SH2B3: variants seen among roughly 807,000 people sequenced by gnomAD.
The protein encoded by SH2B3 is SH2B adapter protein 3.
SH2B3 carries 43 observed loss-of-function variants against 51.9 expected under a neutral mutation model. That is an observed-to-expected ratio of 0.83 (90% CI 0.65 to 1.07). SH2B3 has a LOEUF of 1.07. Among genes scored for constraint, SH2B3 ranks in the 50% least tolerant of loss-of-function variants. The probability of loss-of-function intolerance (pLI) is 0.00; values close to 1 mark genes in which losing one functional copy is unlikely to be tolerated. For synonymous variants in SH2B3, 396 were observed against 376.0 expected (o/e 1.05, Z -0.62); for missense variants, 952 against 834.3 (o/e 1.14, Z -1.74).
chr12:111,418,394 G>GGCGCC lies in SH2B3; in HGVS notation c.251_255dup (p.Gly86ArgfsTer113), dbSNP rs952686752. On this transcript the variant is annotated frameshift_variant, in exon 2 of 8. Transcript: ENST00000341259. LOFTEE classifies it high-confidence loss of function. This position sits in a 1 kb window ranked among gnomAD's most constrained non-coding sequence, Gnocchi z 6.7. ...TCTGCCGCGAGGTGCGCGACGGACG[G>GGCGCC]GCGCCGGGCCGCGACTACCGGGACA... 2 of 1,498,414 alleles carry GGCGCC rather than the reference G, an allele frequency of 1.3e-6. No individual in the cohort carries two copies. The highest frequency in any genetic ancestry group is 1.8e-6 in the Non-Finnish European group (2 of 1,130,158). The allele number at this position is 1,498,414 out of a possible 1,614,324, so 92.8% of individuals were successfully genotyped here.
rs754838420 is a variant in SH2B3, at chr12:111,418,377, G to A, written c.232G>A (p.Glu78Lys). The change falls in exon 2 of 8, where the codon GAG becomes AAG. Residue 78 changes from glutamate (E) to lysine (K), a missense_variant. Glu to Lys is a moderately conservative substitution (Grantham distance 56). Transcript: ENST00000341259. The surrounding 1 kb of genome is among the most constrained non-coding windows in gnomAD (Gnocchi z 6.7). ...CCTCTTCCAGCGCTACTTCTGCCGCGAGGTGCGCGACGGACGGGCGCCGGG... is the reference window on the plus strand; with the variant it reads ...CCTCTTCCAGCGCTACTTCTGCCGCAAGGTGCGCGACGGACGGGCGCCGGG... ...TDLFQRYFCR[E>K]VRDGRAPGRD... The A allele has an allele frequency of 1.1e-3, 1,663 of 1,516,032 alleles. 1 individual carries two copies. The highest frequency in any genetic ancestry group is 1.2e-3 in the Non-Finnish European group (1,327 of 1,137,946). The allele number at this position is 1,516,032 out of a possible 1,614,324, so 93.9% of individuals were successfully genotyped here. A position where few individuals can be genotyped will look rare whatever the true frequency, so the allele number is the denominator to read the frequency against.
chr12:111,413,768 G>C (rs2135539106), intron 1 of SH2B3, among the ~76,000 whole-genome samples: 1 of 152,386 alleles, frequency 6.6e-6, no homozygotes, highest in South Asian at 2.1e-4. Flanking sequence ...CTGTATGCTA[G>C]GAGCTGGAGA....
intron 1 of SH2B3, among the ~76,000 whole-genome samples, chr12:111,412,221 C>T (rs765525622): frequency 5.9e-5 from 9 of 152,200 alleles, no homozygotes; most frequent in Non-Finnish European, 1.3e-4. Context: ...ACTCAATAAA[C>T]GCCACTGCCT....
chr12:111,447,576 G>T, intron 6 of SH2B3, 32 bp downstream of exon 6: 1 of 1,600,624 alleles, frequency 6.2e-7, no homozygotes. Flanking sequence ...GGTGGGGCAG[G>T]CAGGACCGTG....
rs1005603544 is a variant in SH2B3, at chr12:111,435,290, T to C, written c.733-11463T>C. ...CTGGCCCCACTGGTGTGTGCTACAGTAGACCCAGCCCTGGGGCCCCATGAT... is the reference window on the plus strand; with the variant it reads ...CTGGCCCCACTGGTGTGTGCTACAGCAGACCCAGCCCTGGGGCCCCATGAT... On this transcript the variant is annotated intron_variant, in intron 2 of 7. Coordinates refer to ENST00000341259, the MANE Select transcript of SH2B3 (RefSeq NM_005475.3). The surrounding 1 kb of genome is among the most constrained non-coding windows in gnomAD (Gnocchi z 4.8). 6.6e-6 allele frequency among the ~76,000 whole-genome samples: 1 copy of C among 152,146 alleles called. No individual in the cohort carries two copies. The highest frequency in any genetic ancestry group is 6.5e-5 in the Admixed American group (1 of 15,282).
At chr12:111,419,015 A>AT in intron 2 of SH2B3, 138 bp downstream of exon 2, 1 of 840,390 alleles carries the variant, frequency 1.2e-6, no homozygotes, top group East Asian at 3.5e-5. Flanking sequence ...GGCCCTCTTA[A>AT]AAAAGAACTT....
rs550860498 is a variant in SH2B3, at chr12:111,421,401, C to CTT, written c.732+2549_732+2550dup. ...GATCGTACATGTCAATAGTGTCTTC[C>CTT]TTTTTTTTTTTTTTTTTTTTTTTTT... On this transcript the variant is annotated intron_variant, in intron 2 of 7. Coordinates refer to ENST00000341259, the MANE Select transcript of SH2B3 (RefSeq NM_005475.3). Among the ~76,000 whole-genome samples the CTT allele has an allele frequency of 9.8e-4, 89 of 90,638 alleles. 3 individuals carry two copies. Among genetic ancestry groups the CTT allele is most frequent in the African/African-American group, 2.3e-3 (43 of 18,774 alleles). 59.5% of individuals were successfully genotyped at this position (90,638 alleles called of 152,430 possible).
At chr12:111,430,152 G>T (rs1168842684) in intron 2 of SH2B3, among the ~76,000 whole-genome samples, 1 of 152,248 alleles carries the variant, frequency 6.6e-6, no homozygotes, top group East Asian at 1.9e-4. Flanking sequence ...GAGCTATGAA[G>T]TGGGTGCCTG....
rs778662566 is a variant in SH2B3 at position 111,418,101 on chromosome 12, C to A, written c.-27-18C>A. ...ACCTGCTTACTCCTTGTCGCCCCCC[C>A]ACCCACGTGTCTTTCAGCCCGGCCG... On this transcript the variant is annotated intron_variant, in intron 1 of 7. Transcript: ENST00000341259. This position sits in a 1 kb window ranked among gnomAD's most constrained non-coding sequence, Gnocchi z 6.7. 7.6e-5 allele frequency: 112 copies of A among 1,470,970 alleles called. No individual in the cohort carries two copies. The highest frequency in any genetic ancestry group is 5.1e-4 in the Middle Eastern group (2 of 3,952). The allele number at this position is 1,470,970 out of a possible 1,614,324, so 91.1% of individuals were successfully genotyped here. A position where few individuals can be genotyped will look rare whatever the true frequency, so the allele number is the denominator to read the frequency against.
In SH2B3 at chr12:111,450,711, C is replaced by G. The variant is rs1019037880; in HGVS notation, c.*2409C>G. 6.5e-6 allele frequency: 1 copy of G among 153,024 alleles called. No individual in the cohort carries two copies. Among genetic ancestry groups the G allele is most frequent in the Admixed American group, 6.5e-5 (1 of 15,292 alleles). The allele number at this position is 153,024 out of a possible 1,614,324, so 9.5% of individuals were successfully genotyped here. On this transcript the variant is annotated 3_prime_UTR_variant, in exon 8 of 8. Transcript: ENST00000341259. ...AGGCACCCACCTCCAGACTGCTTCC[C>G]GTCCAAGTTACCAGGACAGCTCAAA...
Position 111,409,794 on chromosome 12 carries a change from C to T in SH2B3, c.-28+3517C>T, listed in dbSNP as rs1397807818. Among the ~76,000 whole-genome samples, 1 of 152,188 alleles carries T rather than the reference C, an allele frequency of 6.6e-6. No individual in the cohort carries two copies. Among genetic ancestry groups the T allele is most frequent in the African/African-American group, 2.4e-5 (1 of 41,442 alleles). On this transcript the variant is annotated intron_variant, in intron 1 of 7. Transcript: ENST00000341259. The surrounding 1 kb of genome is among the most constrained non-coding windows in gnomAD (Gnocchi z 4.0). ...TGCTGCCGGGGTGACAAGCATCCCT[C>T]TACCAGGGCTCCAGGGTTCTGCTGG...
chr12:111,425,819 C>T (rs1420575184), intron 2 of SH2B3, among the ~76,000 whole-genome samples: 1 of 152,094 alleles, frequency 6.6e-6, no homozygotes, highest in Non-Finnish European at 1.5e-5. Context: ...CACCGCTGAG[C>T]CCCAGGCAGG....
In SH2B3 at chr12:111,429,318, G is replaced by T. The variant is rs560365933; in HGVS notation, c.732+10441G>T. On this transcript the variant is annotated intron_variant, in intron 2 of 7. Transcript: ENST00000341259. This position sits in a 1 kb window ranked among gnomAD's most constrained non-coding sequence, Gnocchi z 4.4. The stretch of plus-strand genomic sequence containing the variant: ...CTTTGCTGCTGCAGGCATCACTGGC[G>T]TTGTCATTTTTATTTATTATTTATT... 6.6e-6 allele frequency among the ~76,000 whole-genome samples: 1 copy of T among 152,154 alleles called. No individual in the cohort carries two copies.
At chr12:111,428,431 A>C (rs1467301680) in intron 2 of SH2B3, among the ~76,000 whole-genome samples, 2 of 152,198 alleles carry the variant, frequency 1.3e-5, no homozygotes, top group Non-Finnish European at 2.9e-5. Flanking sequence ...CTTTCGAGCC[A>C]GGTGTCCCTG....
Position 111,418,501 on chromosome 12 carries a change from G to T in SH2B3, c.356G>T (p.Arg119Leu), listed in dbSNP as rs777034332. The T allele has an allele frequency of 1.6e-5, 22 of 1,379,804 alleles. No homozygotes were observed. Among genetic ancestry groups the T allele is most frequent in the Non-Finnish European group, 1.8e-5 (19 of 1,070,072 alleles). 85.5% of individuals were successfully genotyped at this position (1,379,804 alleles called of 1,614,324 possible). A position where few individuals can be genotyped will look rare whatever the true frequency, so the allele number is the denominator to read the frequency against. ...GCCGCCCCTGGCCTGCCCAAGGCCC[G>T]CAGCTCTGAGGAGCTGGCCCCGCCG... ...GPAAPGLPKARSSEELAPPRP... is the reference protein window; with the variant it reads ...GPAAPGLPKALSSEELAPPRP... The change falls in exon 2 of 8, where the codon CGC becomes CTC. Residue 119 changes from arginine to leucine, a missense_variant. Physicochemically the swap from Arg to Leu is moderately radical, Grantham distance 102. Coordinates refer to ENST00000341259, the MANE Select transcript of SH2B3 (RefSeq NM_005475.3). The surrounding 1 kb of genome is among the most constrained non-coding windows in gnomAD (Gnocchi z 6.7).
chr12:111,412,148 CT>C (rs1330217400), intron 1 of SH2B3, among the ~76,000 whole-genome samples: 1 of 152,242 alleles, frequency 6.6e-6, no homozygotes, highest in African/African-American at 2.4e-5. Flanking sequence ...TTGTCAGCCC[CT>C]GATCCCAGGG....
chr12:111,417,318 C>G (rs967778784), intron 1 of SH2B3, among the ~76,000 whole-genome samples: 1 of 152,152 alleles, frequency 6.6e-6, no homozygotes, highest in African/African-American at 2.4e-5. Flanking sequence ...CCTGATTGCT[C>G]TGGCTAGGAC....
intron 2 of SH2B3, among the ~76,000 whole-genome samples, chr12:111,433,352 GA>G (rs929868900): frequency 2.3e-4 from 34 of 150,734 alleles, no homozygotes; most frequent in Admixed American, 1.6e-3. Context: ...CTCTGACTCA[GA>G]AAAAAAAATG....
At chr12:111,431,467 G>A (rs1872487905) in intron 2 of SH2B3, among the ~76,000 whole-genome samples, 1 of 151,542 alleles carries the variant, frequency 6.6e-6, no homozygotes, top group Non-Finnish European at 1.5e-5. Context: ...AATTAATAAA[G>A]CTCATGGCAG....
Sources: gnomAD v4.1 joint callset for allele counts (sites outside exome capture counted in the v4.1 genomes callset) on GRCh38, gnomAD v4.1.1 for gene constraint, Gnocchi (gnomAD v3.1) non-coding constraint, MANE v1.5 for transcripts, NCBI Gene and HGNC (gene_info 2026-07-23, HGNC 2026-07-21) for gene names.